The following MAP3K15 variants were observed in gnomAD, a reference collection of about 807,000 sequenced individuals.
The protein encoded by MAP3K15 is mitogen-activated protein kinase kinase kinase 15.
A neutral mutation model predicts 99.5 loss-of-function variants in MAP3K15; 124 were observed. That is an observed-to-expected ratio of 1.25 (90% CI 1.08 to 1.45). The LOEUF is 1.45. Among genes scored for constraint, MAP3K15 ranks in the 40% most tolerant of loss-of-function variants. MAP3K15 has a pLI of 0.00. For missense variants in MAP3K15, 1,242 were observed against 1,079.7 expected (o/e 1.15, Z -2.11); for synonymous variants, 494 against 439.6 (o/e 1.12, Z -1.55).
chrX:19,468,474 T>G (rs2064183670), intron 3 of MAP3K15, among the ~76,000 whole-genome samples: 1 of 111,914 alleles, frequency 8.9e-6, no homozygotes, highest in Non-Finnish European at 1.9e-5. Context: ...TACAGAAGAT[T>G]AGTCAGAAAC....
intron 9 of MAP3K15, among the ~76,000 whole-genome samples, chrX:19,416,365 G>A (rs1026612839): frequency 1.4e-4 from 16 of 110,503 alleles, no homozygotes; most frequent in African/African-American, 4.6e-4. Context: ...AACTTCCACC[G>A]TGTGAGACTG....
In MAP3K15 at chrX:19,400,648, G is replaced by C; in HGVS notation, c.1860C>G (p.Val620=). The C allele has an allele frequency of 8.3e-7, 1 of 1,201,938 alleles. No individual in the cohort carries two copies. ...CTGCTGTATTGGTTATCATCTCTTT[G>C]ACCAAAGAGAAAAATCTAGAACAGC... is the stretch of plus-strand genomic sequence containing the variant. The part of the protein sequence containing the change: ...EEQCSRFFSL[V]KEMITNTAGS... The change falls in exon 14 of 29, where the codon GTC becomes GTG. Residue 620 remains valine (V), a synonymous_variant. Transcript: ENST00000338883.
At chrX:19,424,265 TAC>T (rs1365056202) in intron 9 of MAP3K15, among the ~76,000 whole-genome samples, 2 of 105,266 alleles carry the variant, frequency 1.9e-5, no homozygotes, top group Non-Finnish European at 3.8e-5. Context: ...CACATATATA[TAC>T]ACACATATAT....
rs759282672 is a variant in MAP3K15, at chrX:19,418,298, A to C, written c.1440-3041T>G. On this transcript the variant is annotated intron_variant, in intron 9 of 28. Transcript: ENST00000338883. ...CAAAGAAGTTAAAAACCTTGAAAAA[A>C]AATTAGACAAACGGCTAACTAGAAT... Among the ~76,000 whole-genome samples the C allele has an allele frequency of 7.6e-4, 85 of 111,538 alleles. 1 individual carries two copies. In the South Asian group the frequency reaches 0.03, roughly 40 times the overall value.
At chrX:19,420,053 A>T (rs893286742) in intron 9 of MAP3K15, among the ~76,000 whole-genome samples, 3 of 112,089 alleles carry the variant, frequency 2.7e-5, no homozygotes, top group Non-Finnish European at 5.6e-5. Context: ...TGTAGAGGGA[A>T]ATTTATAGCA....
intron 4 of MAP3K15, among the ~76,000 whole-genome samples, chrX:19,461,099 C>T (rs974219498): frequency 3.6e-5 from 4 of 112,273 alleles, no homozygotes; most frequent in South Asian, 3.7e-4. Context: ...CTTGCCTCAG[C>T]CTCCTGAGTA....
chrX:19,436,109 G>A (rs1217455073), intron 6 of MAP3K15, among the ~76,000 whole-genome samples: 1 of 104,958 alleles, frequency 9.5e-6, no homozygotes, highest in South Asian at 4.4e-4. Flanking sequence ...AACCGAGATC[G>A]CACCATTGTC....
At chrX:19,487,685 A>T in intron 2 of MAP3K15, among the ~76,000 whole-genome samples, 1 of 112,245 alleles carries the variant, frequency 8.9e-6, no homozygotes. Flanking sequence ...TGTTTAGCAC[A>T]TACAAGTTAC....
chrX:19,505,043 A>G (rs1420639574), intron 1 of MAP3K15, among the ~76,000 whole-genome samples: 3 of 110,537 alleles, frequency 2.7e-5, no homozygotes, highest in Non-Finnish European at 5.7e-5. Flanking sequence ...TTTTTGAAAG[A>G]TTTTATGTAA....
chrX:19,383,829 G>A (rs1312897854), intron 18 of MAP3K15, among the ~76,000 whole-genome samples: 1 of 111,582 alleles, frequency 9.0e-6, no homozygotes. Context: ...CAAAAGACAG[G>A]CAATAACAAA....
At chrX:19,474,428 T>A (rs772147455) in intron 3 of MAP3K15, among the ~76,000 whole-genome samples, 1 of 108,171 alleles carries the variant, frequency 9.2e-6, no homozygotes. Flanking sequence ...GTCAGCCTCA[T>A]TAGATGATAG....
chrX:19,447,914 C>T (rs1468720161), intron 6 of MAP3K15, among the ~76,000 whole-genome samples: 2 of 71,470 alleles, frequency 2.8e-5, no homozygotes, highest in African/African-American at 8.3e-5. Flanking sequence ...AAGAAACCCA[C>T]GAAAATCTGA....
At chrX:19,430,701 T>C (rs928858627) in intron 7 of MAP3K15, among the ~76,000 whole-genome samples, 1 of 110,905 alleles carries the variant, frequency 9.0e-6, no homozygotes, top group African/African-American at 3.3e-5. Context: ...TTCATGTTGC[T>C]CTCCACTCAC....
rs769948992 is a variant in MAP3K15, at chrX:19,437,702, T to A, written c.996-6094A>T. 8.0e-5 allele frequency among the ~76,000 whole-genome samples: 9 copies of A among 112,084 alleles called. 1 individual carries two copies. The highest frequency in any genetic ancestry group is 2.3e-4 in the African/African-American group (7 of 30,877). ...TTTATTCTATCTCCCCATTTTAGAA[T>A]GCAAGCTCCGAGAGGGTGGAGACTT... On this transcript the variant is annotated intron_variant, in intron 6 of 28. Coordinates refer to ENST00000338883, the MANE Select transcript of MAP3K15 (RefSeq NM_001001671.4).
At chrX:19,428,272 C>T (rs991349451) in intron 7 of MAP3K15, among the ~76,000 whole-genome samples, 6 of 111,863 alleles carry the variant, frequency 5.4e-5, no homozygotes, top group African/African-American at 9.7e-5. Context: ...CTGCACCTAC[C>T]GCCACCACCT....
intron 19 of MAP3K15, among the ~76,000 whole-genome samples, chrX:19,379,596 C>G (rs1485940607): frequency 9.1e-6 from 1 of 109,733 alleles, no homozygotes; most frequent in Non-Finnish European, 1.9e-5. Context: ...TACAGGCATG[C>G]GCCACCACGT....
At chrX:19,369,253 A>G (rs745398154) in intron 24 of MAP3K15, 34 bp from the exon 25 acceptor site, 114 of 1,207,840 alleles carry the variant, frequency 9.4e-5, no homozygotes, top group Non-Finnish European at 1.3e-4. Context: ...AATGGTGAGC[A>G]AACCAGGCCA....
intron 10 of MAP3K15, 37 bp downstream of exon 10, chrX:19,415,070 C>T (rs1177530029): frequency 6.4e-6 from 7 of 1,091,608 alleles, no homozygotes; most frequent in Admixed American, 7.0e-5. Flanking sequence ...TAGTTTTTTT[C>T]CTAATCTTAA....
At chrX:19,490,180 C>CACACAT (rs1370075761) in intron 1 of MAP3K15, among the ~76,000 whole-genome samples, 6 of 95,120 alleles carry the variant, frequency 6.3e-5, no homozygotes, top group Non-Finnish European at 1.1e-4. Context: ...CACACACACA[C>CACACAT]ACACATACAT....
Sources: allele counts gnomAD v4.1 joint callset (sites outside exome capture counted in the v4.1 genomes callset), GRCh38; gene constraint gnomAD v4.1.1; transcripts MANE v1.5; gene names NCBI Gene and HGNC (gene_info 2026-07-23, HGNC 2026-07-21).